THBS3: variants seen among roughly 807,000 people sequenced by gnomAD.
THBS3 encodes thrombospondin-3.
THBS3 carries 78 observed loss-of-function variants against 118.3 expected under a neutral mutation model. The ratio of observed to expected loss-of-function variants is 0.66; its 90% CI spans 0.55 to 0.80. The LOEUF (loss-of-function observed/expected upper bound fraction) is 0.80. Ranked by LOEUF, THBS3 falls within the 30% of genes least tolerant of loss-of-function variation. THBS3 has a pLI of 0.00. For missense variants in THBS3, 1,057 were observed against 1,247.4 expected (o/e 0.85, Z 2.30); for synonymous variants, 427 against 475.3 (o/e 0.90, Z 1.32).
At position 155,202,433 on chromosome 1, in the gene THBS3, C is replaced by G. The variant is rs1341831002; in HGVS notation, c.958-32G>C. The G allele has an allele frequency of 6.2e-7, 1 of 1,608,754 alleles. No individual in the cohort carries two copies. The highest frequency in any genetic ancestry group is 1.1e-5 in the South Asian group (1 of 90,562). On this transcript the variant is annotated intron_variant, in intron 8 of 22. Coordinates refer to ENST00000368378, the MANE Select transcript of THBS3 (RefSeq NM_007112.5). The surrounding 1 kb of genome is among the most constrained non-coding windows in gnomAD (Gnocchi z 5.5). Reference sequence around the variant, plus strand: ...ACCAGATGAGAAGGCAGAGGTCAGGCCGCCCTCTGGGAAACTCAGGTCCCT... The same window carrying G: ...ACCAGATGAGAAGGCAGAGGTCAGGGCGCCCTCTGGGAAACTCAGGTCCCT...
intron 16 of THBS3, among the ~76,000 whole-genome samples, chr1:155,199,501 C>T (rs1050662521): frequency 6.6e-6 from 1 of 151,836 alleles, no homozygotes; most frequent in South Asian, 2.1e-4. Context: ...CACCTGTAAT[C>T]ACAGCACTTT....
At chr1:155,200,325 AC>A in intron 14 of THBS3, 125 bp downstream of exon 14, 1 of 1,288,696 alleles carries the variant, frequency 7.8e-7, no homozygotes, top group Non-Finnish European at 1.1e-6. Flanking sequence ...ATCTCTCCTC[AC>A]CCAGGCCAAC....
Position 155,205,212 on chromosome 1 carries a change from C to A in THBS3, c.391G>T (p.Gly131Cys), listed in dbSNP as rs747469028. The A allele has an allele frequency of 6.8e-6, 11 of 1,614,174 alleles. No individual in the cohort carries two copies. Among genetic ancestry groups the A allele is most frequent in the Non-Finnish European group, 9.3e-6 (11 of 1,180,028 alleles). The change falls in exon 3 of 23, where the codon GGT becomes TGT. Residue 131 changes from glycine (G) to cysteine (C), a missense_variant. Coordinates refer to ENST00000368378, the MANE Select transcript of THBS3 (RefSeq NM_007112.5). ...RTHTVLLRLR[G>C]PSRPSPALHL... Reference sequence around the variant, plus strand: ...AGGGCAGGGCTGGGTCTGGAGGGACCTCGGAGTCGCAGGAGAACTGTGTGT... The same window carrying A: ...AGGGCAGGGCTGGGTCTGGAGGGACATCGGAGTCGCAGGAGAACTGTGTGT...
rs764544804 is a variant in THBS3, at chr1:155,206,417, A to C, written c.80-11T>G. 1 of 1,613,396 alleles carries C rather than the reference A, an allele frequency of 6.2e-7. No homozygotes were observed. The highest frequency in any genetic ancestry group is 1.3e-5 in the African/African-American group (1 of 74,886). ...TCAGCAGGTCAATTACTGGTCAGGC[A>C]GGGGTTATCAAGGTTAGAGAATGGG... On this transcript the variant is annotated splice_polypyrimidine_tract_variant and intron_variant, in intron 1 of 22. Coordinates refer to ENST00000368378, the MANE Select transcript of THBS3 (RefSeq NM_007112.5). This position sits in a 1 kb window ranked among gnomAD's most constrained non-coding sequence, Gnocchi z 4.2.
intron 16 of THBS3, among the ~76,000 whole-genome samples, chr1:155,199,466 T>TG (rs1669305649): frequency 7.0e-6 from 1 of 143,632 alleles, no homozygotes; most frequent in African/African-American, 2.6e-5. Flanking sequence ...TATAAGACCT[T>TG]GCATTTCGCT....
rs569700740 is a variant in THBS3, at chr1:155,197,008, A to C, written c.2672+33T>G. On this transcript the variant is annotated intron_variant, in intron 21 of 22. Transcript: ENST00000368378. This position sits in a 1 kb window ranked among gnomAD's most constrained non-coding sequence, Gnocchi z 5.0. Reference sequence around the variant, plus strand: ...AAAGAGGAAGGACAGGCCCGGCCTGAGTCCCACAGGTGGGCTCAGCCCCTC... The same window carrying C: ...AAAGAGGAAGGACAGGCCCGGCCTGCGTCCCACAGGTGGGCTCAGCCCCTC... The C allele has an allele frequency of 1.9e-6, 3 of 1,601,210 alleles. No individual in the cohort carries two copies. The African/African-American group carries it at 4.0e-5, about 21-fold the overall frequency.
At chr1:155,207,024 G>T (rs1393141032) in intron 1 of THBS3, among the ~76,000 whole-genome samples, 1 of 152,154 alleles carries the variant, frequency 6.6e-6, no homozygotes, top group Non-Finnish European at 1.5e-5. Flanking sequence ...ACCAGGTGGC[G>T]CAAAGGAGAT....
intron 5 of THBS3, 49 bp downstream of exon 5, chr1:155,203,464 T>G: frequency 6.2e-7 from 1 of 1,610,622 alleles, no homozygotes. Flanking sequence ...TGCCAGAGCC[T>G]GGGGCCTCCT....
upstream of THBS3, chr1:155,208,727 G>T (rs1454589034): frequency 1.5e-6 from 1 of 665,144 alleles, no homozygotes; most frequent in Non-Finnish European, 2.1e-6. Flanking sequence ...CGCTCCGGCC[G>T]CCGCCACCGC....
At position 155,195,670 on chromosome 1, in the gene THBS3, T is replaced by G; in HGVS notation, c.*171A>C. On this transcript the variant is annotated 3_prime_UTR_variant, in exon 23 of 23. Transcript: ENST00000368378. ...CTGAGTAATACCCCTTGAAAACTTC[T>G]CATCCCCTGAAGGGTGGGGTGACCA... is the stretch of plus-strand genomic sequence containing the variant. The G allele has an allele frequency of 1.5e-6, 1 of 660,608 alleles. No homozygotes were observed. Among genetic ancestry groups the G allele is most frequent in the Non-Finnish European group, 2.6e-6 (1 of 379,992 alleles). 40.9% of individuals were successfully genotyped at this position (660,608 alleles called of 1,614,324 possible).
chr1:155,201,880 T>C, intron 10 of THBS3, 77 bp downstream of exon 10: 1 of 1,598,440 alleles, frequency 6.3e-7, no homozygotes, highest in Non-Finnish European at 8.5e-7. Context: ...AGCAGGAAAT[T>C]TGAAGGTAAG....
intron 4 of THBS3, among the ~76,000 whole-genome samples, chr1:155,204,474 C>T (rs1273629064): frequency 6.6e-6 from 1 of 151,782 alleles, no homozygotes; most frequent in African/African-American, 2.4e-5. Context: ...CCTGTAATCC[C>T]AGCTGCTTGG....
At chr1:155,198,250 A>G (rs1181785232) in intron 17 of THBS3, 30 bp from the exon 18 acceptor site, 2 of 1,612,394 alleles carry the variant, frequency 1.2e-6, no homozygotes, top group Non-Finnish European at 8.5e-7. Context: ...GTGCTCAGGA[A>G]GGCCCTGGCC....
At chr1:155,203,423 C>T in intron 5 of THBS3, 90 bp downstream of exon 5, 1 of 1,592,994 alleles carries the variant, frequency 6.3e-7, no homozygotes, top group Admixed American at 1.8e-5. Context: ...CTACTACATT[C>T]CTGACTGAAG....
At position 155,197,513 on chromosome 1, in the gene THBS3, A is replaced by C; in HGVS notation, c.2449T>G (p.Trp817Gly). The change falls in exon 20 of 23, where the codon TGG (tryptophan) becomes GGG (glycine). Residue 817 changes from tryptophan to glycine, a missense_variant. By Grantham distance (184) the Trp-to-Gly change is radical. Around this residue, in one of 3 missense-constraint regions of THBS3, gnomAD observed 307 missense variants for 326.1 expected, o/e 0.94. Coordinates refer to ENST00000368378, the MANE Select transcript of THBS3 (RefSeq NM_007112.5). The surrounding 1 kb of genome is among the most constrained non-coding windows in gnomAD (Gnocchi z 5.0). The stretch of plus-strand genomic sequence containing the variant: ...ACCGCCCGGAAGGGTGTAGCCTGCC[A>C]GTAGGTCTGCTCGGTCTGCTTCCAC... Reference protein sequence around the residue: ...VMWKQTEQTYWQATPFRAVAQ... With the variant: ...VMWKQTEQTYGQATPFRAVAQ... 1 of 1,614,112 alleles carries C rather than the reference A, an allele frequency of 6.2e-7. No individual in the cohort carries two copies. Among genetic ancestry groups the C allele is most frequent in the Non-Finnish European group, 8.5e-7 (1 of 1,180,026 alleles).
chr1:155,199,387 G>A (rs1253332752), intron 16 of THBS3, among the ~76,000 whole-genome samples: 2 of 150,096 alleles, frequency 1.3e-5, no homozygotes, highest in Admixed American at 6.7e-5. Context: ...TCCAGCCTGG[G>A]CGACAGAGCA....
At chr1:155,208,368 C>G (rs144661128), upstream of THBS3, among the ~76,000 whole-genome samples, 3 of 152,318 alleles carry the variant, frequency 2.0e-5, no homozygotes, top group Non-Finnish European at 2.9e-5. Flanking sequence ...AGCAAGTGCT[C>G]TTTATTAGGG....
rs1571865303 is a variant in THBS3, at chr1:155,197,137, A to G, written c.2576T>C (p.Val859Ala). Residue 859 changes from valine (V) to alanine (A), a missense_variant, in exon 21 of 23, where the codon GTA becomes GCA. Val to Ala is a moderately conservative substitution (Grantham distance 64). Transcript: ENST00000368378. The surrounding 1 kb of genome is among the most constrained non-coding windows in gnomAD (Gnocchi z 5.0). ...TCGTGGGTCTGTCCACAGCAGTCGT[A>G]CCTGATCAGGGGTGTGGCCAGTATG... is the stretch of plus-strand genomic sequence containing the variant. ...LWHTGHTPDQVRLLWTDPRNV... is the reference protein window; with the variant it reads ...LWHTGHTPDQARLLWTDPRNV... 1.9e-6 allele frequency: 3 copies of G among 1,614,152 alleles called. No individual in the cohort carries two copies. In the East Asian group the frequency reaches 6.7e-5, roughly 36 times the overall value.
intron 1 of THBS3, among the ~76,000 whole-genome samples, chr1:155,207,012 C>G (rs1670650097): frequency 6.6e-6 from 1 of 152,178 alleles, no homozygotes. Flanking sequence ...TGAGATGCCC[C>G]CACCAGGTGG....
Sources: allele counts gnomAD v4.1 joint callset (sites outside exome capture counted in the v4.1 genomes callset), GRCh38; gene constraint gnomAD v4.1.1; regional missense constraint gnomAD v4.1.1; non-coding constraint Gnocchi (gnomAD v3.1); transcripts MANE v1.5; gene names NCBI Gene and HGNC (gene_info 2026-07-23, HGNC 2026-07-21).